INCENP: variants seen among roughly 807,000 people sequenced by gnomAD.
The protein encoded by INCENP is binds and activates aurora-B and -C in vivo and in vitro.
Under a neutral mutation model 107.3 loss-of-function variants are expected in INCENP, and 43 were observed. That is an observed-to-expected ratio of 0.40 (90% confidence interval 0.31 to 0.52). The LOEUF is 0.52. Ranked by LOEUF, INCENP falls within the 20% of genes least tolerant of loss-of-function variation. The pLI is 0.53. For missense variants in INCENP, 1,089 were observed against 1,250.9 expected, an observed-to-expected ratio of 0.87 and a Z score of 1.95; for synonymous variants, 488 against 494.4, an observed-to-expected ratio of 0.99 and a Z score of 0.17.
chr11:62,143,585 A>G (rs1944171091), intron 11 of INCENP, among the ~76,000 whole-genome samples: 1 of 152,088 alleles, frequency 6.6e-6, no homozygotes, highest in Non-Finnish European at 1.5e-5. Flanking sequence ...TCAGTGGGAG[A>G]GAGAGGTGGA....
intron 18 of INCENP, 131 bp from the exon 19 acceptor site, chr11:62,151,631 G>T: frequency 1.4e-6 from 1 of 694,974 alleles, no homozygotes; most frequent in South Asian, 1.8e-5. Flanking sequence ...TACAGGCAGG[G>T]GCAGGGCTGA....
At chr11:62,141,678 C>A in intron 11 of INCENP, 167 bp downstream of exon 11, 1 of 903,696 alleles carries the variant, frequency 1.1e-6, no homozygotes, top group Non-Finnish European at 1.8e-6. Flanking sequence ...CTGGAGGCGC[C>A]CAGCAGTTCT....
chr11:62,143,717 G>A (rs1188991940), intron 11 of INCENP, among the ~76,000 whole-genome samples: 1 of 152,210 alleles, frequency 6.6e-6, no homozygotes, highest in Admixed American at 6.5e-5. Context: ...AGAAGCCAAG[G>A]AGAAATCGAT....
At chr11:62,127,519 G>A (rs1213591714) in intron 1 of INCENP, among the ~76,000 whole-genome samples, 4 of 152,236 alleles carry the variant, frequency 2.6e-5, no homozygotes, top group African/African-American at 9.6e-5. Flanking sequence ...CAAGGGAGAG[G>A]GTTGTGGGAG....
In INCENP at chr11:62,128,838, G is replaced by A. The variant is rs377255748; in HGVS notation, c.209G>A (p.Arg70Gln). Residue 70 changes from arginine to glutamine, a missense_variant, in exon 3 of 19, where the codon CGG becomes CAG. Arg to Gln is a conservative substitution (Grantham distance 43). Coordinates refer to ENST00000394818, the MANE Select transcript of INCENP (RefSeq NM_001040694.2). The part of the protein sequence containing the change: ...PSQKNRRKKR[R>Q]ISYVQDENRD... ...CAGAAGAACCGACGGAAGAAGAGAC[G>A]GATTTCTTATGTTCAGGATGAAAAC... 46 of 1,613,942 alleles carry A rather than the reference G, an allele frequency of 2.9e-5. 1 individual carries two copies. In the Middle Eastern group the frequency reaches 9.9e-4, roughly 35 times the overall value.
intron 4 of INCENP, among the ~76,000 whole-genome samples, chr11:62,132,808 G>T (rs968167061): frequency 1.3e-5 from 2 of 152,162 alleles, no homozygotes; most frequent in South Asian, 4.1e-4. Context: ...TCCTCTTGAG[G>T]GGGTGGAGGA....
chr11:62,153,149 A>G lies in INCENP; in HGVS notation c.*1173A>G, dbSNP rs1424488305. On this transcript the variant is annotated 3_prime_UTR_variant, in exon 19 of 19. Coordinates refer to ENST00000394818, the MANE Select transcript of INCENP (RefSeq NM_001040694.2). ...TGCTTAAGGACAAAATAAAGCCTAA[A>G]TCCAAGAACACTTTTAAAAATGAGG... The G allele has an allele frequency of 6.6e-6, 1 of 152,254 alleles. No individual in the cohort carries two copies. The highest frequency in any genetic ancestry group is 2.4e-5 in the African/African-American group (1 of 41,466). 9.4% of individuals were successfully genotyped at this position (152,254 alleles called of 1,614,324 possible).
At chr11:62,141,455 C>G (rs1178767282) in intron 10 of INCENP, 45 bp from the exon 11 acceptor site, 40 of 1,613,694 alleles carry the variant, frequency 2.5e-5, no homozygotes, top group Non-Finnish European at 3.3e-5. Context: ...AGGATGCTCC[C>G]CGGCCTGGCA....
Position 62,146,696 on chromosome 11 carries a change from G to A in INCENP, c.1998G>A (p.Lys666=), listed in dbSNP as rs752608592. 6.4e-7 allele frequency: 1 copy of A among 1,550,922 alleles called. No homozygotes were observed. Among genetic ancestry groups the A allele is most frequent in the African/African-American group, 1.4e-5 (1 of 73,084 alleles). Residue 666 remains lysine (K), a synonymous_variant, in exon 15 of 19, where the codon AAG becomes AAA. Coordinates refer to ENST00000394818, the MANE Select transcript of INCENP (RefSeq NM_001040694.2). ...EERRHQELLQ[K]KKEEEQERLR... The stretch of plus-strand genomic sequence containing the variant: ...GGCGGCACCAAGAGCTGCTGCAGAA[G>A]AAGAAGGAAGAGGAGCAGGAGCGGC...
chr11:62,140,669 G>A, intron 8 of INCENP, 35 bp from the exon 9 acceptor site: 1 of 1,521,054 alleles, frequency 6.6e-7, no homozygotes, highest in South Asian at 1.2e-5. Context: ...GCTGTGGCGG[G>A]CTGCCCTGTG....
chr11:62,130,116 T>C lies in INCENP; in HGVS notation c.589T>C (p.Ser197Pro). ...MSTEPLPRTL[S>P]PTPASATAPT... is the part of the protein sequence containing the mutation. ...CACCGAGCCTCTGCCCCGCACTCTG[T>C]CCCCGACTCCAGCTTCAGCCACAGC... Residue 197 changes from serine to proline, a missense_variant, in exon 4 of 19, where the codon TCC becomes CCC. Ser to Pro is a moderately conservative substitution (Grantham distance 74). Transcript: ENST00000394818. 6.2e-7 allele frequency: 1 copy of C among 1,613,408 alleles called. No individual in the cohort carries two copies. The highest frequency in any genetic ancestry group is 8.5e-7 in the Non-Finnish European group (1 of 1,179,926).
rs1204488642 is a variant in INCENP at position 62,139,088 on chromosome 11, T to G, written c.1291+83T>G. 3 of 936,528 alleles carry G rather than the reference T, an allele frequency of 3.2e-6. No homozygotes were observed. The Admixed American group carries it at 5.4e-5, about 17-fold the overall frequency. The allele number at this position is 936,528 out of a possible 1,614,324, so 58.0% of individuals were successfully genotyped here. On this transcript the variant is annotated intron_variant, in intron 7 of 18. Coordinates refer to ENST00000394818, the MANE Select transcript of INCENP (RefSeq NM_001040694.2). ...CTCGGCCTGACCTTCTCTCTGGGGA[T>G]AAGGAAGCCCCATTTTCTGGGCCAG...
At chr11:62,127,865 G>A (rs1234262223) in intron 1 of INCENP, among the ~76,000 whole-genome samples, 2 of 152,094 alleles carry the variant, frequency 1.3e-5, no homozygotes, top group Non-Finnish European at 2.9e-5. Flanking sequence ...GTCAGAATTG[G>A]TTGGGAACTG....
chr11:62,132,316 T>C (rs1164783301), intron 4 of INCENP, among the ~76,000 whole-genome samples: 1 of 152,132 alleles, frequency 6.6e-6, no homozygotes, highest in African/African-American at 2.4e-5. Flanking sequence ...GAAAGTCAGG[T>C]GCTTGCAGAA....
chr11:62,142,611 G>T (rs1205901761), intron 11 of INCENP, among the ~76,000 whole-genome samples: 2 of 152,196 alleles, frequency 1.3e-5, no homozygotes, highest in African/African-American at 4.8e-5. Flanking sequence ...TAAATCTATG[G>T]ACAATGTTGA....
Position 62,140,747 on chromosome 11 carries a change from G to C in INCENP, c.1387G>C (p.Glu463Gln), listed in dbSNP as rs745677768. The C allele has an allele frequency of 7.2e-5, 116 of 1,604,790 alleles. No individual in the cohort carries two copies. The highest frequency in any genetic ancestry group is 9.5e-5 in the Non-Finnish European group (112 of 1,176,566). The change falls in exon 9 of 19, where the codon GAG (glutamate) becomes CAG (glutamine). Residue 463 changes from glutamate (E) to glutamine (Q), a missense_variant. Physicochemically the swap from Glu to Gln is conservative, Grantham distance 29. Transcript: ENST00000394818. ...GCAGGCCGTGAGTGAGCTGGACGAG[G>C]AGCAGCACCTGGAGGATGAGGAGCT... ...YKQAVSELDE[E>Q]QHLEDEELQP...
rs113600886 is a variant in INCENP at position 62,130,439 on chromosome 11, G to T, written c.912G>T (p.Arg304=). The T allele has an allele frequency of 6.2e-7, 1 of 1,613,816 alleles. No homozygotes were observed. Among genetic ancestry groups the T allele is most frequent in the African/African-American group, 1.3e-5 (1 of 74,944 alleles). ...CTCGCACGGACTCTCAATCGGTGCGGCACAGCCCGATCGCCCCGTCTTCCC... is the reference window on the plus strand; with the variant it reads ...CTCGCACGGACTCTCAATCGGTGCGTCACAGCCCGATCGCCCCGTCTTCCC... ...TGSRTDSQSV[R]HSPIAPSSPS... The change falls in exon 4 of 19, where the codon CGG becomes CGT. Residue 304 remains arginine, a synonymous_variant. Coordinates refer to ENST00000394818, the MANE Select transcript of INCENP (RefSeq NM_001040694.2).
intron 4 of INCENP, among the ~76,000 whole-genome samples, chr11:62,133,432 A>ACGTGCCTGCGGGGCCCAT (rs1943930677): frequency 6.6e-6 from 1 of 151,986 alleles, no homozygotes; most frequent in African/African-American, 2.4e-5. Context: ...CCTGGTGCGC[A>ACGTGCCTGCGGGGCCCAT]CGTGCCTGCG....
chr11:62,140,894 CCCTGGT>C lies in INCENP; in HGVS notation c.1462-15_1462-10del, dbSNP rs1944103897. 2 of 1,614,034 alleles carry C rather than the reference CCCTGGT, an allele frequency of 1.2e-6. No individual in the cohort carries two copies. Among genetic ancestry groups the C allele is most frequent in the Middle Eastern group, 1.6e-4 (1 of 6,062 alleles). On this transcript the variant is annotated splice_polypyrimidine_tract_variant and intron_variant, in intron 9 of 18. Transcript: ENST00000394818. ...CCCTGCCCCGCCTGCCCACTTCTGA[CCCTGGT>C]CCTCGTCTGCAGGTGGTACGGCCCC...
Sources: allele counts gnomAD v4.1 joint callset (sites outside exome capture counted in the v4.1 genomes callset), GRCh38; gene constraint gnomAD v4.1.1; transcripts MANE v1.5; gene names NCBI Gene and HGNC (gene_info 2026-07-23, HGNC 2026-07-21).